Variants in BAZ1B observed in about 807,000 individuals in gnomAD.
The protein encoded by BAZ1B is bromodomain adjacent to zinc finger domain 1B, also known as tyrosine-protein kinase BAZ1B.
Under a neutral mutation model 153.8 loss-of-function variants are expected in BAZ1B, and 22 were observed. The observed-to-expected ratio is 0.14, with a 90% CI of 0.10 to 0.20. BAZ1B has a LOEUF of 0.20. Ranked by LOEUF, BAZ1B falls within the 10% of genes least tolerant of loss-of-function variation. The pLI is 1.00. For synonymous variants in BAZ1B, 676 were observed against 633.4 expected, an observed-to-expected ratio of 1.07 and a Z score of -1.01; for missense variants, 1,325 against 1,799.3, an observed-to-expected ratio of 0.74 and a Z score of 4.77.
chr7:73,449,528 GAA>G lies in BAZ1B; in HGVS notation c.3728+12_3728+13del. The G allele has an allele frequency of 6.3e-7, 1 of 1,598,314 alleles. No individual in the cohort carries two copies. The highest frequency in any genetic ancestry group is 8.5e-7 in the Non-Finnish European group (1 of 1,175,060). The stretch of plus-strand genomic sequence containing the variant: ...TTTATTCATTCAATTATTTTTAAAA[GAA>G]AAGATTCTCACCTGCCACGGGAGTT... On this transcript the variant is annotated intron_variant, in intron 15 of 19. Coordinates refer to ENST00000339594, the MANE Select transcript of BAZ1B (RefSeq NM_032408.4).
intron 1 of BAZ1B, among the ~76,000 whole-genome samples, chr7:73,517,917 GTA>G (rs1273902657): frequency 1.3e-5 from 2 of 152,174 alleles, no homozygotes; most frequent in African/African-American, 4.8e-5. Context: ...GCCCAGATAA[GTA>G]TAGAGTCAAA....
At position 73,449,891 on chromosome 7, in the gene BAZ1B, G is replaced by A. The variant is rs192319636; in HGVS notation, c.3581-202C>T. On this transcript the variant is annotated intron_variant, in intron 14 of 19. Transcript: ENST00000339594. Reference sequence around the variant, plus strand: ...TAGATTACAGATAATTTGGGAATCAGGTCTCCTAATTTATATCCCAAAACT... The same window carrying A: ...TAGATTACAGATAATTTGGGAATCAAGTCTCCTAATTTATATCCCAAAACT... Among the ~76,000 whole-genome samples, 9 of 152,290 alleles carry A rather than the reference G, an allele frequency of 5.9e-5. No individual in the cohort carries two copies. The East Asian group carries it at 1.7e-3, about 29-fold the overall frequency.
At chr7:73,461,038 C>T (rs1346138957) in intron 12 of BAZ1B, among the ~76,000 whole-genome samples, 2 of 151,844 alleles carry the variant, frequency 1.3e-5, no homozygotes, top group African/African-American at 2.4e-5. Flanking sequence ...TGCAATGGCG[C>T]GATCTCAGCT....
chr7:73,493,031 G>A, intron 4 of BAZ1B, 110 bp from the exon 5 acceptor site: 3 of 1,176,500 alleles, frequency 2.5e-6, no homozygotes, highest in Admixed American at 3.0e-5. Flanking sequence ...ACTGGGTGAT[G>A]CAGTACAAAA....
intron 13 of BAZ1B, among the ~76,000 whole-genome samples, chr7:73,454,133 T>TATAAATAA (rs71300785): frequency 0.051 from 7,428 of 146,836 alleles, 223 homozygotes; most frequent in Non-Finnish European, 0.063. Context: ...ACCCCTTCTC[T>TATAAATAA]ATAAATAAAT....
At chr7:73,504,833 AAAAC>A (rs1365049807) in intron 3 of BAZ1B, among the ~76,000 whole-genome samples, 5 of 152,198 alleles carry the variant, frequency 3.3e-5, no homozygotes, top group South Asian at 2.1e-4. Context: ...GTCTCAATAA[AAAAC>A]AAACAAAGAA....
At chr7:73,482,944 T>A (rs1472210652) in intron 6 of BAZ1B, among the ~76,000 whole-genome samples, 1 of 152,170 alleles carries the variant, frequency 6.6e-6, no homozygotes, top group East Asian at 1.9e-4. Context: ...GGAGCCGGCA[T>A]GGCTGGACTC....
chr7:73,516,246 GT>G (rs1229576584), intron 1 of BAZ1B, among the ~76,000 whole-genome samples: 3 of 151,742 alleles, frequency 2.0e-5, no homozygotes, highest in South Asian at 2.1e-4. Flanking sequence ...AAGCTTCTGG[GT>G]TTAAGGAATC....
rs1274763988 is a variant in BAZ1B, at chr7:73,522,194, C to A, written c.-261G>T. The A allele has an allele frequency of 5.1e-6, 2 of 392,490 alleles. No individual in the cohort carries two copies. The highest frequency in any genetic ancestry group is 1.3e-4 in the South Asian group (1 of 7,798). 24.3% of individuals were successfully genotyped at this position (392,490 alleles called of 1,614,324 possible). On this transcript the variant is annotated 5_prime_UTR_variant, in exon 1 of 20. Transcript: ENST00000339594. The stretch of plus-strand genomic sequence containing the variant: ...CGCCGACCTCCGCTTCGGGTCCCGG[C>A]GGCCGGCAGTCACGACTCCTCCTCA...
At chr7:73,519,373 C>T (rs1554579769) in intron 1 of BAZ1B, among the ~76,000 whole-genome samples, 1 of 152,150 alleles carries the variant, frequency 6.6e-6, no homozygotes, top group Non-Finnish European at 1.5e-5. Context: ...CACTAATAGC[C>T]TAATAAAGAA....
In BAZ1B at chr7:73,517,087, G is replaced by A. The variant is rs1554579459; in HGVS notation, c.107+4740C>T. On this transcript the variant is annotated intron_variant, in intron 1 of 19. Coordinates refer to ENST00000339594, the MANE Select transcript of BAZ1B (RefSeq NM_032408.4). ...AATCCCAGTTGCTTGGGAGTCTGAG[G>A]CAGGAGAATTGCTTGAACCCAGGAG... Among the ~76,000 whole-genome samples, 10 of 151,866 alleles carry A rather than the reference G, an allele frequency of 6.6e-5. No individual in the cohort carries two copies. In the South Asian group the frequency reaches 2.1e-3, roughly 32 times the overall value.
intron 12 of BAZ1B, among the ~76,000 whole-genome samples, chr7:73,460,917 T>C (rs1788371664): frequency 1.3e-5 from 2 of 150,454 alleles, no homozygotes; most frequent in South Asian, 4.4e-4. Context: ...GAATAGCCAC[T>C]GCACTTCAGA....
chr7:73,452,392 C>A (rs571159534), intron 13 of BAZ1B, among the ~76,000 whole-genome samples: 107 of 152,280 alleles, frequency 7.0e-4, no homozygotes, highest in African/African-American at 2.5e-3. Flanking sequence ...CCCCATCTTA[C>A]GATGGGTCAA....
chr7:73,520,720 G>A (rs1342216943), intron 1 of BAZ1B, among the ~76,000 whole-genome samples: 1 of 152,168 alleles, frequency 6.6e-6, no homozygotes, highest in Non-Finnish European at 1.5e-5. Flanking sequence ...CTAAAGTACT[G>A]CGTTAAAGTG....
At chr7:73,460,088 G>A (rs1447893773) in intron 12 of BAZ1B, among the ~76,000 whole-genome samples, 6 of 151,642 alleles carry the variant, frequency 4.0e-5, no homozygotes, top group Admixed American at 2.0e-4. Context: ...CCAGCTACTC[G>A]GGAAGCAGGA....
At chr7:73,472,048 T>C (rs1303559303) in intron 7 of BAZ1B, among the ~76,000 whole-genome samples, 1 of 152,180 alleles carries the variant, frequency 6.6e-6, no homozygotes, top group Non-Finnish European at 1.5e-5. Flanking sequence ...TGAACTCTAA[T>C]CCAAATACTG....
chr7:73,521,216 C>G (rs1324113612), intron 1 of BAZ1B, among the ~76,000 whole-genome samples: 1 of 152,146 alleles, frequency 6.6e-6, no homozygotes, highest in Non-Finnish European at 1.5e-5. Context: ...GTTTCCTTCC[C>G]TCCCTTTCCT....
At chr7:73,491,831 T>C (rs960640100) in intron 5 of BAZ1B, among the ~76,000 whole-genome samples, 17 of 152,184 alleles carry the variant, frequency 1.1e-4, no homozygotes, top group African/African-American at 4.1e-4. Flanking sequence ...CTGTTTCTTC[T>C]GTAAAATGGT....
chr7:73,508,404 A>T lies in BAZ1B; in HGVS notation c.292T>A (p.Ser98Thr). ...VLEMVHHNTA[S>T]LEKLVDTAWL... is the part of the protein sequence containing the mutation. Reference sequence around the variant, plus strand: ...GCAGTATCTACTAACTTCTCTAAGGAGGCTGTGTTATGGTGAACCATTTCC... The same window carrying T: ...GCAGTATCTACTAACTTCTCTAAGGTGGCTGTGTTATGGTGAACCATTTCC... Residue 98 changes from serine to threonine, a missense_variant, in exon 3 of 20, where the codon TCC becomes ACC. Ser to Thr is a moderately conservative substitution (Grantham distance 58, BLOSUM62 1). Around this residue, in one of 9 missense-constraint regions of BAZ1B, gnomAD observed 153 missense variants for 204.8 expected, o/e 0.75. Coordinates refer to ENST00000339594, the MANE Select transcript of BAZ1B (RefSeq NM_032408.4). The T allele has an allele frequency of 6.2e-7, 1 of 1,614,004 alleles. No individual in the cohort carries two copies. The highest frequency in any genetic ancestry group is 1.1e-5 in the South Asian group (1 of 91,056).
Sources: gnomAD v4.1 joint callset for allele counts (sites outside exome capture counted in the v4.1 genomes callset) on GRCh38, gnomAD v4.1.1 for gene constraint, gnomAD v4.1.1 regional missense constraint, MANE v1.5 for transcripts, NCBI Gene and HGNC (gene_info 2026-07-23, HGNC 2026-07-21) for gene names.